NAALADL2: variants seen among roughly 807,000 people sequenced by gnomAD.
NAALADL2 encodes the protein N-acetylated alpha-linked acidic dipeptidase like 2.
Under a neutral mutation model 87.2 loss-of-function variants are expected in NAALADL2, and 76 were observed. The observed-to-expected ratio is 0.87, with a 90% CI of 0.72 to 1.05. The LOEUF is 1.05. Among genes scored for constraint, NAALADL2 ranks in the 50% least tolerant of loss-of-function variants. The probability of loss-of-function intolerance (pLI) is 0.00; values close to 1 mark genes in which losing one functional copy is unlikely to be tolerated. For synonymous variants in NAALADL2, 354 were observed against 331.0 expected (o/e 1.07, Z -0.75); for missense variants, 1,089 against 945.8 (o/e 1.15, Z -1.99).
chr3:174,845,052 T>C (rs1194956707), intron 3 of NAALADL2, among the ~76,000 whole-genome samples: 2 of 152,108 alleles, frequency 1.3e-5, no homozygotes, highest in South Asian at 4.1e-4. Context: ...AGATAAATTC[T>C]AAATTTCTGT....
At chr3:175,053,634 T>C (rs1488174954) in intron 1 of NAALADL2, among the ~76,000 whole-genome samples, 1 of 152,204 alleles carries the variant, frequency 6.6e-6, no homozygotes, top group Non-Finnish European at 1.5e-5. Context: ...TTTACCTATT[T>C]CCTAACTTTC....
chr3:174,675,541 T>A (rs1257767242), intron 2 of NAALADL2, among the ~76,000 whole-genome samples: 1 of 152,062 alleles, frequency 6.6e-6, no homozygotes, highest in Non-Finnish European at 1.5e-5. Context: ...AAAAGACAAG[T>A]GCAAAAAGCA....
At chr3:175,447,032 T>C (rs1421988043) in intron 5 of NAALADL2, among the ~76,000 whole-genome samples, 197 bp from the exon 6 acceptor site, 1 of 152,218 alleles carries the variant, frequency 6.6e-6, no homozygotes, top group East Asian at 1.9e-4. Flanking sequence ...GATATGTCAT[T>C]ATATTTGGAC....
intron 2 of NAALADL2, among the ~76,000 whole-genome samples, chr3:174,620,138 T>C (rs1720855716): frequency 6.6e-6 from 1 of 152,050 alleles, no homozygotes. Context: ...CATTTATTCA[T>C]GGCCATCCTC....
At chr3:175,353,261 A>G (rs1192011330) in intron 5 of NAALADL2, among the ~76,000 whole-genome samples, 4 of 152,006 alleles carry the variant, frequency 2.6e-5, no homozygotes, top group Non-Finnish European at 5.9e-5. Context: ...AGTCCCATCT[A>G]CTTGAGAGGT....
chr3:174,805,832 A>G (rs1719405225), intron 3 of NAALADL2, among the ~76,000 whole-genome samples: 1 of 152,182 alleles, frequency 6.6e-6, no homozygotes, highest in Non-Finnish European at 1.5e-5. Context: ...ATTCTGCTTC[A>G]TTTATGTAGG....
intron 2 of NAALADL2, among the ~76,000 whole-genome samples, chr3:175,158,919 T>G (rs1233109988): frequency 6.6e-6 from 1 of 152,078 alleles, no homozygotes; most frequent in Non-Finnish European, 1.5e-5. Flanking sequence ...AAAAGAAAAT[T>G]TACTAAACTT....
intron 4 of NAALADL2, among the ~76,000 whole-genome samples, chr3:175,271,740 A>G (rs1354144096): frequency 1.4e-4 from 21 of 152,208 alleles, no homozygotes; most frequent in Admixed American, 8.5e-4. Context: ...GGTTGCAGTG[A>G]GCCGAGGTCG....
chr3:175,305,617 G>A (rs900531394), intron 4 of NAALADL2, among the ~76,000 whole-genome samples: 2 of 151,880 alleles, frequency 1.3e-5, no homozygotes, highest in African/African-American at 2.4e-5. Flanking sequence ...CCACCTCCTC[G>A]GTTCAAGTGA....
intron 1 of NAALADL2, among the ~76,000 whole-genome samples, chr3:174,912,804 C>T (rs914358880): frequency 2.0e-5 from 3 of 152,090 alleles, no homozygotes; most frequent in Non-Finnish European, 4.4e-5. Context: ...TGGGGCTTCC[C>T]TGTATTGTGG....
intron 10 of NAALADL2, among the ~76,000 whole-genome samples, chr3:175,576,457 G>T (rs905202924): frequency 1.3e-5 from 2 of 152,236 alleles, no homozygotes; most frequent in Admixed American, 6.5e-5. Flanking sequence ...TGCAGTAGTT[G>T]GATTAACATC....
At chr3:175,133,289 G>A (rs1728506243) in intron 2 of NAALADL2, among the ~76,000 whole-genome samples, 2 of 152,180 alleles carry the variant, frequency 1.3e-5, no homozygotes, top group South Asian at 4.1e-4. Flanking sequence ...GGGCGGCCAG[G>A]CAGAGATGCT....
intron 9 of NAALADL2, among the ~76,000 whole-genome samples, chr3:175,536,640 T>A (rs897900563): frequency 6.7e-5 from 10 of 149,258 alleles, no homozygotes; most frequent in Non-Finnish European, 1.2e-4. Context: ...ATTGCTAATT[T>A]AAAAAAAAAA....
intron 1 of NAALADL2, among the ~76,000 whole-genome samples, chr3:175,048,454 ATTGT>A (rs1172661561): frequency 1.3e-5 from 2 of 151,538 alleles, no homozygotes; most frequent in Middle Eastern, 3.5e-3. Context: ...GCAACTTGAA[ATTGT>A]TTGTTCATTT....
intron 5 of NAALADL2, among the ~76,000 whole-genome samples, chr3:175,385,152 A>T (rs2148998201): frequency 6.6e-6 from 1 of 152,228 alleles, no homozygotes; most frequent in East Asian, 1.9e-4. Context: ...ACATAAATAG[A>T]CCACATTTGT....
chr3:174,622,750 GAGGAAT>G (rs1270908828), intron 2 of NAALADL2, among the ~76,000 whole-genome samples: 6 of 152,162 alleles, frequency 3.9e-5, no homozygotes, highest in Admixed American at 2.6e-4. Flanking sequence ...CATTTAGTAA[GAGGAAT>G]CGGGCCGGGC....
chr3:174,595,208 ACCT>A (rs1717765500), intron 2 of NAALADL2, among the ~76,000 whole-genome samples: 1 of 151,888 alleles, frequency 6.6e-6, no homozygotes, highest in African/African-American at 2.4e-5. Context: ...TTCCAGCCAC[ACCT>A]CACATCCATC....
chr3:175,724,867 G>T (rs924648099), intron 11 of NAALADL2, among the ~76,000 whole-genome samples: 4 of 151,580 alleles, frequency 2.6e-5, no homozygotes, highest in Non-Finnish European at 5.9e-5. Flanking sequence ...TAAAACAGAG[G>T]TTTATTTTTG....
chr3:175,299,619 G>A (rs144265187), intron 4 of NAALADL2, among the ~76,000 whole-genome samples: 2,027 of 152,266 alleles, frequency 0.013, 50 homozygotes, highest in African/African-American at 0.046. Context: ...GTATAGGAAT[G>A]CTTGTGATTT....
Sources: allele counts gnomAD v4.1 joint callset (sites outside exome capture counted in the v4.1 genomes callset), GRCh38; gene constraint gnomAD v4.1.1; transcripts MANE v1.5; gene names NCBI Gene and HGNC (gene_info 2026-07-23, HGNC 2026-07-21).